The following DRP2 variants were observed in gnomAD, a reference collection of about 807,000 sequenced individuals.
The protein encoded by DRP2 is dystrophin-related protein 2.
In DRP2, 29 loss-of-function variants were observed where a neutral mutation model predicts 78.2. That is an observed-to-expected ratio of 0.37 (90% CI 0.28 to 0.51). The LOEUF (loss-of-function observed/expected upper bound fraction) is 0.51. Among genes scored for constraint, DRP2 ranks in the 20% least tolerant of loss-of-function variants. DRP2 has a pLI of 0.94. For missense variants in DRP2, 686 were observed against 770.6 expected, an observed-to-expected ratio of 0.89 and a Z score of 1.30; for synonymous variants, 290 against 281.9, an observed-to-expected ratio of 1.03 and a Z score of -0.29.
At chrX:101,224,203 T>G (rs377033665) in intron 1 of DRP2, among the ~76,000 whole-genome samples, 1,308 of 69,418 alleles carry the variant, frequency 0.019, 24 homozygotes, top group Non-Finnish European at 0.027. Context: ...TTTTTTTTTT[T>G]TTTTTTTTTT....
intron 2 of DRP2, among the ~76,000 whole-genome samples, chrX:101,229,510 A>T (rs1233873538): frequency 8.9e-6 from 1 of 111,880 alleles, no homozygotes; most frequent in Admixed American, 9.5e-5. Flanking sequence ...GAGTCCACAT[A>T]TCTTTAAATG....
In DRP2 at chrX:101,248,256, A is replaced by G; in HGVS notation, c.1420A>G (p.Met474Val). The G allele has an allele frequency of 8.3e-7, 1 of 1,211,679 alleles. No individual in the cohort carries two copies. The highest frequency in any genetic ancestry group is 1.1e-6 in the Non-Finnish European group (1 of 895,546). Residue 474 changes from methionine (M) to valine (V), a missense_variant, in exon 13 of 24, where the codon ATG (methionine) becomes GTG (valine). This residue lies in a region of DRP2 where 423 missense variants were observed against 531.5 expected (regional missense o/e 0.80). Coordinates refer to ENST00000395209, the MANE Select transcript of DRP2 (RefSeq NM_001939.3). ...GGTCAACGTGCCACTCTGTGTGGAC[A>G]TGAGCCTCAATTGGCTCCTCAATGT... ...ILVNVPLCVD[M>V]SLNWLLNVFD...
At position 101,264,361 on chromosome X, in the gene DRP2, C is replaced by A. The variant is rs915843768; in HGVS notation, c.*3740C>A. 9.0e-6 allele frequency: 1 copy of A among 111,643 alleles called. No individual in the cohort carries two copies. The highest frequency in any genetic ancestry group is 1.9e-5 in the Non-Finnish European group (1 of 53,147). 9.2% of individuals were successfully genotyped at this position (111,643 alleles called of 1,213,427 possible). A position where few individuals can be genotyped will look rare whatever the true frequency, so the allele number is the denominator to read the frequency against. ...TGGGGAAAGGATTTGGGGGAGGTGA[C>A]AAGGGTGGCATGGAAGTCTAGGGGA... On this transcript the variant is annotated 3_prime_UTR_variant, in exon 24 of 24. Transcript: ENST00000395209.
intron 6 of DRP2, 116 bp from the exon 7 acceptor site, chrX:101,241,552 A>G (rs1434049625): frequency 7.2e-6 from 6 of 829,442 alleles, no homozygotes; most frequent in Non-Finnish European, 1.0e-5. Flanking sequence ...ATACACAAAC[A>G]TGCCCACATG....
chrX:101,244,972 G>A (rs766989749), intron 9 of DRP2, 45 bp from the exon 10 acceptor site: 66 of 1,150,723 alleles, frequency 5.7e-5, no homozygotes, highest in Non-Finnish European at 7.5e-5. Flanking sequence ...GGCCTTAAGA[G>A]CATTAGTGGC....
At chrX:101,256,097 G>A in intron 20 of DRP2, 21 bp from the exon 21 acceptor site, 1 of 1,150,347 alleles carries the variant, frequency 8.7e-7, no homozygotes, top group Non-Finnish European at 1.2e-6. Flanking sequence ...CACCTACTCT[G>A]CTTTCCCCAC....
chrX:101,256,310 A>G, intron 21 of DRP2, 49 bp downstream of exon 21: 1 of 1,103,371 alleles, frequency 9.1e-7, no homozygotes, highest in South Asian at 2.4e-5. Context: ...AGGCAGACAG[A>G]TTGAATTTAA....
chrX:101,252,548 G>C (rs1041486384), intron 16 of DRP2, 57 bp from the exon 17 acceptor site: 2 of 944,149 alleles, frequency 2.1e-6, no homozygotes, highest in Non-Finnish European at 3.0e-6. Context: ...GGGAACAGCG[G>C]GGAGGTCACT....
chrX:101,222,757 T>A (rs1221853387), intron 1 of DRP2, among the ~76,000 whole-genome samples: 1 of 112,234 alleles, frequency 8.9e-6, no homozygotes, highest in Non-Finnish European at 1.9e-5. Context: ...AAAATCAGGT[T>A]ATTCACTGCC....
intron 9 of DRP2, among the ~76,000 whole-genome samples, chrX:101,243,298 T>C (rs113944523): frequency 0.19 from 20,503 of 105,234 alleles, 2,356 homozygotes; most frequent in African/African-American, 0.42. Context: ...TGGTGGCGGG[T>C]GCCTGTAATC....
In DRP2 at chrX:101,262,965, G is replaced by T. The variant is rs1569510316; in HGVS notation, c.*2344G>T. The T allele has an allele frequency of 9.0e-6, 1 of 111,395 alleles. No individual in the cohort carries two copies. Among genetic ancestry groups the T allele is most frequent in the Non-Finnish European group, 1.9e-5 (1 of 53,032 alleles). The allele number at this position is 111,395 out of a possible 1,213,427, so 9.2% of individuals were successfully genotyped here. On this transcript the variant is annotated 3_prime_UTR_variant, in exon 24 of 24. Transcript: ENST00000395209. ...CCCCACCCCACCTGAGAGCTCTTGG[G>T]CTGCTGAGGGCCTGTGGCAACTGCA...
At chrX:101,225,686 G>A (rs1922093916) in intron 2 of DRP2, among the ~76,000 whole-genome samples, 1 of 111,332 alleles carries the variant, frequency 9.0e-6, no homozygotes, top group Admixed American at 9.6e-5. Flanking sequence ...TTGTATTTTG[G>A]TGGGGAGCGG....
At position 101,231,676 on chromosome X, in the gene DRP2, C is replaced by G. The variant is rs909100703; in HGVS notation, c.29C>G (p.Pro10Arg). The G allele has an allele frequency of 4.1e-6, 5 of 1,209,041 alleles. No individual in the cohort carries two copies. The Admixed American group carries it at 6.6e-5, about 16-fold the overall frequency. The change falls in exon 3 of 24, where the codon CCT becomes CGT. Residue 10 changes from proline to arginine, a missense_variant. By Grantham distance (103) the Pro-to-Arg change is moderately radical (BLOSUM62 -2). This residue lies in a region of DRP2 where 263 missense variants were observed against 239.1 expected (regional missense o/e 1.10). Transcript: ENST00000395209. MQPMVMQGC[P>R]YTLPRCHDWQ... ...CAACCTATGGTCATGCAGGGATGCC[C>G]TTACACCCTCCCACGATGTCATGAC...
intron 14 of DRP2, among the ~76,000 whole-genome samples, chrX:101,248,879 T>A (rs918985350): frequency 1.8e-5 from 2 of 112,234 alleles, no homozygotes; most frequent in African/African-American, 6.5e-5. Flanking sequence ...GTTGGCATTT[T>A]GAGGTACCCA....
chrX:101,224,181 GGTTTTTTTTGTTTTTTTTTTTTTTT>G (rs1323648983), intron 1 of DRP2, among the ~76,000 whole-genome samples: 4 of 47,654 alleles, frequency 8.4e-5, no homozygotes, highest in African/African-American at 3.7e-4. Flanking sequence ...ATGTTTGCTG[GGTTTTTTTTGTTTTTTTTTTTTTTT>G]TTTTTTTTTT....
rs754409506 is a variant in DRP2, at chrX:101,248,613, C to T, written c.1540+14C>T. On this transcript the variant is annotated intron_variant, in intron 14 of 23. Transcript: ENST00000395209. ...AAAAACTTCAGTGTGAGTAGAACTCCAAAGTGTGGAGTGGTGTTGGGTAGA... is the reference window on the plus strand; with the variant it reads ...AAAAACTTCAGTGTGAGTAGAACTCTAAAGTGTGGAGTGGTGTTGGGTAGA... 1.8e-5 allele frequency: 21 copies of T among 1,196,612 alleles called. No homozygotes were observed. Among genetic ancestry groups the T allele is most frequent in the Admixed American group, 1.5e-4 (7 of 45,787 alleles).
At chrX:101,235,774 T>C in intron 3 of DRP2, 86 bp from the exon 4 acceptor site, 7 of 986,300 alleles carry the variant, frequency 7.1e-6, no homozygotes, top group Non-Finnish European at 9.6e-6. Context: ...TCTCTCCCCT[T>C]GTTCACACTT....
At chrX:101,228,354 A>G (rs1037300717) in intron 2 of DRP2, among the ~76,000 whole-genome samples, 1 of 112,590 alleles carries the variant, frequency 8.9e-6, no homozygotes, top group Non-Finnish European at 1.9e-5. Context: ...ACGATAGCTA[A>G]CACTTATTGA....
At chrX:101,252,740 G>T in intron 17 of DRP2, 24 bp downstream of exon 17, 2 of 1,157,655 alleles carry the variant, frequency 1.7e-6, no homozygotes, top group Non-Finnish European at 2.4e-6. Context: ...AGGCTGGGTG[G>T]GAGGGTTAGG....
Sources: gnomAD v4.1 joint callset for allele counts (sites outside exome capture counted in the v4.1 genomes callset) on GRCh38, gnomAD v4.1.1 for gene constraint, gnomAD v4.1.1 regional missense constraint, MANE v1.5 for transcripts, NCBI Gene and HGNC (gene_info 2026-07-23, HGNC 2026-07-21) for gene names.